Variants in NCKAP5 observed in about 807,000 individuals in gnomAD.
NCKAP5 encodes the protein nck-associated protein 5.
In NCKAP5, 92 loss-of-function variants were observed where a neutral mutation model predicts 167.0. The observed-to-expected ratio is 0.55, with a 90% CI of 0.47 to 0.66. The LOEUF (loss-of-function observed/expected upper bound fraction) is 0.66. Ranked by LOEUF, NCKAP5 falls within the 30% of genes least tolerant of loss-of-function variation. The pLI is 0.00. For missense variants in NCKAP5, 2,378 were observed against 2,315.0 expected (o/e 1.03, Z -0.56); for synonymous variants, 891 against 877.4 (o/e 1.02, Z -0.27).
In NCKAP5 at chr2:132,697,231, T is replaced by C. The variant is rs1470034703; in HGVS notation, c.5714-23926A>G. 1.3e-5 allele frequency among the ~76,000 whole-genome samples: 2 copies of C among 152,222 alleles called. 1 individual carries two copies. On this transcript the variant is annotated intron_variant, in intron 19 of 19. Transcript: ENST00000409261. ...AGTTATCCCTTAAAGAGCAGTCACC[T>C]TGGAGGAGCTGGTCCTCAGGGCTTC... is the stretch of plus-strand genomic sequence containing the variant.
intron 16 of NCKAP5, among the ~76,000 whole-genome samples, chr2:132,753,815 T>A (rs1363946283): frequency 6.6e-6 from 1 of 152,232 alleles, no homozygotes; most frequent in Non-Finnish European, 1.5e-5. Context: ...TGCAGGGCAC[T>A]GTGGGTGACC....
In NCKAP5 at chr2:132,794,223, C is replaced by CATAT. The variant is rs1166750939; in HGVS notation, c.909+2401_909+2404dup. Among the ~76,000 whole-genome samples, 91 of 21,148 alleles carry CATAT rather than the reference C, an allele frequency of 4.3e-3. 2 individuals are homozygous for CATAT. The highest frequency in any genetic ancestry group is 6.8e-3 in the South Asian group (2 of 296). The allele number at this position is 21,148 out of a possible 152,430, so 13.9% of individuals were successfully genotyped here. A position where few individuals can be genotyped will look rare whatever the true frequency, so the allele number is the denominator to read the frequency against. On this transcript the variant is annotated intron_variant, in intron 12 of 19. Coordinates refer to ENST00000409261, the MANE Select transcript of NCKAP5 (RefSeq NM_207363.3). ...GCTACTATTATTAAAAATGTTTATA[C>CATAT]ATATATATATATATATATATATATA...
At position 133,125,744 on chromosome 2, in the gene NCKAP5, A is replaced by T. The variant is rs548635535; in HGVS notation, c.341+4234T>A. On this transcript the variant is annotated intron_variant, in intron 6 of 19. Transcript: ENST00000409261. ...TATCCATATTTACATTAAAGAATGT[A>T]AATGGTCTGAACCAAGTTTGTTATG... Among the ~76,000 whole-genome samples, 16 of 152,340 alleles carry T rather than the reference A, an allele frequency of 1.1e-4. No individual in the cohort carries two copies. The South Asian group carries it at 3.3e-3, about 32-fold the overall frequency.
intron 8 of NCKAP5, among the ~76,000 whole-genome samples, chr2:132,920,781 A>ATGTGTGTG (rs1384191821): frequency 2.2e-5 from 1 of 46,100 alleles, no homozygotes; most frequent in African/African-American, 1.0e-4. Context: ...GTATATATAT[A>ATGTGTGTG]TATATATATA....
At chr2:133,490,254 TCC>T (rs1469104411) in intron 3 of NCKAP5, among the ~76,000 whole-genome samples, 1 of 152,098 alleles carries the variant, frequency 6.6e-6, no homozygotes, top group African/African-American at 2.4e-5. Flanking sequence ...TGGAGTCTGG[TCC>T]CCAGCCAGGC....
At chr2:133,190,413 G>A (rs1034127347) in intron 5 of NCKAP5, among the ~76,000 whole-genome samples, 10 of 151,426 alleles carry the variant, frequency 6.6e-5, no homozygotes, top group Non-Finnish European at 1.0e-4. Flanking sequence ...TCACAGAATT[G>A]GAAAAAACTA....
Position 132,785,379 on chromosome 2 carries a change from C to T in NCKAP5, c.1432G>A (p.Ala478Thr). Residue 478 changes from alanine to threonine, a missense_variant, in exon 14 of 20, where the codon GCG becomes ACG. Around this residue, in one of 3 missense-constraint regions of NCKAP5, gnomAD observed 1,049 missense variants for 1,023.4 expected, o/e 1.02. Transcript: ENST00000409261. ...GCTAAGGTGGAAGGGTCATCGTCCG[C>T]ATCAACGTGGGAATCTAGATCATAA... ...FVYDLDSHVD[A>T]DDDPSTLALL... The T allele has an allele frequency of 1.2e-6, 2 of 1,614,018 alleles. No individual in the cohort carries two copies. Among genetic ancestry groups the T allele is most frequent in the Non-Finnish European group, 1.7e-6 (2 of 1,179,906 alleles).
chr2:133,439,793 T>G (rs1047275172), intron 3 of NCKAP5, among the ~76,000 whole-genome samples: 1 of 152,204 alleles, frequency 6.6e-6, no homozygotes, highest in African/African-American at 2.4e-5. Flanking sequence ...AAGAATGTCT[T>G]CTTCTCTAAG....
intron 3 of NCKAP5, among the ~76,000 whole-genome samples, chr2:133,477,374 T>C (rs1680013259): frequency 6.6e-6 from 1 of 152,190 alleles, no homozygotes; most frequent in South Asian, 2.1e-4. Context: ...GCTGACTTAT[T>C]TTCAGCTTGA....
At chr2:133,017,732 C>G (rs994770195) in intron 6 of NCKAP5, among the ~76,000 whole-genome samples, 14 of 151,666 alleles carry the variant, frequency 9.2e-5, no homozygotes, top group East Asian at 1.9e-4. Context: ...CCCCGCCCCC[C>G]CACTGTTTCC....
intron 3 of NCKAP5, among the ~76,000 whole-genome samples, chr2:133,491,307 A>G (rs773667491): frequency 1.3e-5 from 2 of 152,204 alleles, no homozygotes; most frequent in Non-Finnish European, 2.9e-5. Context: ...GAATCCAACT[A>G]TCACAGGAAG....
chr2:132,697,102 G>A (rs1032166875), intron 19 of NCKAP5, among the ~76,000 whole-genome samples: 155 of 152,226 alleles, frequency 1.0e-3, no homozygotes, highest in African/African-American at 3.7e-3. Context: ...TCCCCAGGCT[G>A]GTCTCAAACT....
chr2:133,599,331 C>T, the NCKAP5 span, among the ~76,000 whole-genome samples: 4 of 152,260 alleles, frequency 2.6e-5, no homozygotes, highest in East Asian at 7.7e-4. Context: ...GGGAAGAGTA[C>T]GGAGATCAGA....
At chr2:132,857,982 T>C (rs868122155) in intron 11 of NCKAP5, among the ~76,000 whole-genome samples, 1 of 152,216 alleles carries the variant, frequency 6.6e-6, no homozygotes, top group Non-Finnish European at 1.5e-5. Context: ...GTTATTTTCC[T>C]TTATACTATT....
rs1422139707 is a variant in NCKAP5, at chr2:132,982,739, TTCTTA to T, written c.429+11408_429+11412del. 3.9e-5 allele frequency among the ~76,000 whole-genome samples: 6 copies of T among 152,318 alleles called. No homozygotes were observed. In the South Asian group the frequency reaches 1.2e-3, roughly 32 times the overall value. On this transcript the variant is annotated intron_variant, in intron 7 of 19. Coordinates refer to ENST00000409261, the MANE Select transcript of NCKAP5 (RefSeq NM_207363.3). ...CCACAATTAGCCATTGTTTAGCTCC[TTCTTA>T]TAAGTGACAACATGTGGTATTTTGT... is the stretch of plus-strand genomic sequence containing the variant.
Position 132,995,570 on chromosome 2 carries a change from G to C in NCKAP5, c.342-1331C>G, listed in dbSNP as rs184677696. Among the ~76,000 whole-genome samples, 712 of 152,022 alleles carry C rather than the reference G, an allele frequency of 4.7e-3. 11 individuals carry two copies. The highest frequency in any genetic ancestry group is 0.016 in the African/African-American group (672 of 41,454). ...GGAGGCTGAGACAGGAGAATCGCTT[G>C]AACCTGGAAGGCAGAGGTTGCAGTG... On this transcript the variant is annotated intron_variant, in intron 6 of 19. Transcript: ENST00000409261.
intron 3 of NCKAP5, among the ~76,000 whole-genome samples, chr2:133,325,171 T>TGGGAGGGA (rs1407590790): frequency 6.6e-6 from 1 of 152,192 alleles, no homozygotes; most frequent in African/African-American, 2.4e-5. Flanking sequence ...AGGAAGGCAC[T>TGGGAGGGA]GGAATGCAGA....
At chr2:132,717,319 C>T (rs1367393) in intron 19 of NCKAP5, among the ~76,000 whole-genome samples, 66,258 of 152,056 alleles carry the variant, frequency 0.44, 18,207 homozygotes, top group African/African-American at 0.77. Context: ...GTAGTGTCCA[C>T]TTTAAACAAT....
chr2:133,522,701 T>C (rs1821182), intron 2 of NCKAP5, among the ~76,000 whole-genome samples: 54,567 of 152,058 alleles, frequency 0.36, 10,588 homozygotes, highest in East Asian at 0.65. Flanking sequence ...ACTAGACACA[T>C]TTACAAGAGT....
Sources: allele counts gnomAD v4.1 joint callset (sites outside exome capture counted in the v4.1 genomes callset), GRCh38; gene constraint gnomAD v4.1.1; regional missense constraint gnomAD v4.1.1; transcripts MANE v1.5; gene names NCBI Gene and HGNC (gene_info 2026-07-23, HGNC 2026-07-21).